Variants in ARCN1 observed in about 807,000 individuals in gnomAD.
The protein encoded by ARCN1 is archain 1 coat protein complex I subunit delta.
ARCN1 carries 5 observed loss-of-function variants against 60.4 expected under a neutral mutation model. The observed-to-expected ratio is 0.08, with a 90% CI of 0.04 to 0.17. ARCN1 has a LOEUF of 0.17. Ranked by LOEUF, ARCN1 falls within the 10% of genes least tolerant of loss-of-function variation. The pLI, the probability that ARCN1 is intolerant of heterozygous loss-of-function variation, is 1.00. For synonymous variants in ARCN1, 224 were observed against 220.0 expected (o/e 1.02, Z -0.16); for missense variants, 464 against 626.5 (o/e 0.74, Z 2.77).
At chr11:118,578,870 C>CTTTTTTTTTTTTT (rs1938583498) in intron 1 of ARCN1, among the ~76,000 whole-genome samples, 1 of 86,962 alleles carries the variant, frequency 1.1e-5, no homozygotes, top group Non-Finnish European at 2.1e-5. Flanking sequence ...AAAACCCCGT[C>CTTTTTTTTTTTTT]TCTCTTTTTT....
chr11:118,592,876 C>A lies in ARCN1; in HGVS notation c.1132+20C>A. 1 of 1,608,958 alleles carries A rather than the reference C, an allele frequency of 6.2e-7. No individual in the cohort carries two copies. The highest frequency in any genetic ancestry group is 8.5e-7 in the Non-Finnish European group (1 of 1,176,616). Reference sequence around the variant, plus strand: ...TGACAAGTAAGTGCCTCTGGCCAGTCCCACTAAGCTAGTTTGCATTGAGAA... The same window carrying A: ...TGACAAGTAAGTGCCTCTGGCCAGTACCACTAAGCTAGTTTGCATTGAGAA... On this transcript the variant is annotated intron_variant, in intron 7 of 9. Transcript: ENST00000264028.
chr11:118,584,432 T>G (rs781999200), intron 4 of ARCN1, 48 bp from the exon 5 acceptor site: 1 of 1,548,844 alleles, frequency 6.5e-7, no homozygotes, highest in South Asian at 1.2e-5. Context: ...TCATGTGTGC[T>G]TGTAAAAATA....
At chr11:118,580,424 A>G (rs1285567458) in intron 1 of ARCN1, among the ~76,000 whole-genome samples, 1 of 152,228 alleles carries the variant, frequency 6.6e-6, no homozygotes, top group Non-Finnish European at 1.5e-5. Flanking sequence ...TAGTTTGAAG[A>G]TAAGATGTAT....
chr11:118,587,430 A>G (rs988862528), intron 5 of ARCN1, among the ~76,000 whole-genome samples: 3 of 152,198 alleles, frequency 2.0e-5, no homozygotes, highest in African/African-American at 2.4e-5. Flanking sequence ...ACGTCTTCCA[A>G]TTGCATTTTT....
At chr11:118,576,172 G>A (rs1450876896) in intron 1 of ARCN1, among the ~76,000 whole-genome samples, 1 of 151,946 alleles carries the variant, frequency 6.6e-6, no homozygotes, top group Non-Finnish European at 1.5e-5. Context: ...TTTTTTACTT[G>A]AGGCACTTAA....
At chr11:118,582,698 AC>A (rs1448330455) in intron 2 of ARCN1, among the ~76,000 whole-genome samples, 2 of 131,922 alleles carry the variant, frequency 1.5e-5, no homozygotes, top group Non-Finnish European at 3.2e-5. Context: ...TGCACTCCAG[AC>A]CGGGTGACAG....
chr11:118,591,738 G>A (rs1162811033), intron 6 of ARCN1, among the ~76,000 whole-genome samples: 1 of 140,122 alleles, frequency 7.1e-6, no homozygotes, highest in African/African-American at 2.6e-5. Context: ...TCTTTTTTTT[G>A]TTTTTTTTTT....
intron 8 of ARCN1, among the ~76,000 whole-genome samples, chr11:118,596,298 G>A (rs1428332042): frequency 6.6e-6 from 1 of 152,166 alleles, no homozygotes; most frequent in Non-Finnish European, 1.5e-5. Context: ...GTTGGTGACA[G>A]GTAGAGTTTT....
At chr11:118,599,194 G>A (rs1555077716) in intron 9 of ARCN1, among the ~76,000 whole-genome samples, 1 of 151,730 alleles carries the variant, frequency 6.6e-6, no homozygotes, top group African/African-American at 2.4e-5. Flanking sequence ...CCAGGTTCAA[G>A]CGATTCTCCT....
In ARCN1 at chr11:118,602,069, T is replaced by C. The variant is rs1939159054; in HGVS notation, c.*1355T>C. The C allele has an allele frequency of 3.7e-6, 1 of 267,548 alleles. No individual in the cohort carries two copies. The highest frequency in any genetic ancestry group is 7.5e-5 in the South Asian group (1 of 13,364). The allele number at this position is 267,548 out of a possible 1,614,324, so 16.6% of individuals were successfully genotyped here. Reference sequence around the variant, plus strand: ...TGAAGGCTGTGGGTTCAGGGAGTCTTTGCCAATCCTGTTGGCCCTAAACTA... The same window carrying C: ...TGAAGGCTGTGGGTTCAGGGAGTCTCTGCCAATCCTGTTGGCCCTAAACTA... On this transcript the variant is annotated 3_prime_UTR_variant, in exon 10 of 10. Coordinates refer to ENST00000264028, the MANE Select transcript of ARCN1 (RefSeq NM_001655.5).
At chr11:118,583,508 C>G (rs1938706755) in intron 3 of ARCN1, 150 bp downstream of exon 3, 1 of 1,015,880 alleles carries the variant, frequency 9.8e-7, no homozygotes, top group Non-Finnish European at 1.4e-6. Context: ...AATCTCAGCA[C>G]TTTGGGAGGC....
chr11:118,590,326 A>G lies in ARCN1; in HGVS notation c.819-15A>G, dbSNP rs1174027473. ...TTCTACCTTTCTGAACAAATGTATT[A>G]CTTTCTCTTTATAGTGTACATATGA... On this transcript the variant is annotated splice_polypyrimidine_tract_variant and intron_variant, in intron 5 of 9. Coordinates refer to ENST00000264028, the MANE Select transcript of ARCN1 (RefSeq NM_001655.5). 1.7e-5 allele frequency: 27 copies of G among 1,604,664 alleles called. No homozygotes were observed. Among genetic ancestry groups the G allele is most frequent in the Non-Finnish European group, 2.0e-5 (24 of 1,173,192 alleles).
chr11:118,578,391 T>G (rs781880861), intron 1 of ARCN1, among the ~76,000 whole-genome samples: 6 of 152,088 alleles, frequency 3.9e-5, no homozygotes, highest in Non-Finnish European at 8.8e-5. Flanking sequence ...GATATGGGGT[T>G]TCTATTAAAT....
At chr11:118,600,490 A>G (rs1418878272) in intron 9 of ARCN1, 135 bp from the exon 10 acceptor site, 1 of 570,464 alleles carries the variant, frequency 1.8e-6, no homozygotes, top group African/African-American at 2.0e-5. Context: ...TTGTGAATTG[A>G]ACATTTTTCT....
chr11:118,581,014 T>G (rs1481547609), intron 1 of ARCN1, among the ~76,000 whole-genome samples: 4 of 152,130 alleles, frequency 2.6e-5, no homozygotes, highest in Non-Finnish European at 5.9e-5. Flanking sequence ...CACACACTTG[T>G]AGTCCCAGCC....
intron 1 of ARCN1, among the ~76,000 whole-genome samples, chr11:118,575,437 T>TGTGTGTGTG (rs1555073335): frequency 1.3e-5 from 2 of 151,916 alleles, no homozygotes; most frequent in South Asian, 2.1e-4. Context: ...TGTGTGTGTG[T>TGTGTGTGTG]TTTAATTCTC....
At chr11:118,574,963 A>G (rs1274735971) in intron 1 of ARCN1, among the ~76,000 whole-genome samples, 2 of 151,792 alleles carry the variant, frequency 1.3e-5, no homozygotes, top group Admixed American at 6.6e-5. Context: ...TAATGAGAAC[A>G]TGTTCTGACT....
In ARCN1 at chr11:118,583,818, C is replaced by T. The variant is rs1371890885; in HGVS notation, c.457C>T (p.Arg153Cys). 1.2e-6 allele frequency: 2 copies of T among 1,613,594 alleles called. No homozygotes were observed. The highest frequency in any genetic ancestry group is 1.3e-5 in the African/African-American group (1 of 74,912). Residue 153 changes from arginine (R) to cysteine (C), a missense_variant, in exon 4 of 10, where the codon CGT becomes TGT. This residue lies in a region of ARCN1 where 105 missense variants were observed against 186.3 expected (regional missense o/e 0.56). Transcript: ENST00000264028. ...ATGTCTTTTTCTGTAGACTCAAGAA[C>T]GTGAAGCTAAGGCTGAGATGCGTCG... is the stretch of plus-strand genomic sequence containing the variant. ...VFRAVRETQEREAKAEMRRKA... is the reference protein window; with the variant it reads ...VFRAVRETQECEAKAEMRRKA...
intron 5 of ARCN1, among the ~76,000 whole-genome samples, chr11:118,586,384 A>C (rs1340112144): frequency 2.0e-5 from 3 of 152,338 alleles, no homozygotes; most frequent in African/African-American, 7.2e-5. Flanking sequence ...GGCGTGAGCC[A>C]CCGTGCCCAG....
Sources: gnomAD v4.1 joint callset for allele counts (sites outside exome capture counted in the v4.1 genomes callset) on GRCh38, gnomAD v4.1.1 for gene constraint, gnomAD v4.1.1 regional missense constraint, MANE v1.5 for transcripts, NCBI Gene and HGNC (gene_info 2026-07-23, HGNC 2026-07-21) for gene names.